The following MARCHF1 variants were observed in gnomAD, a reference collection of about 807,000 sequenced individuals.
MARCHF1 encodes membrane associated ring-CH-type finger 1.
A neutral mutation model predicts 54.2 loss-of-function variants in MARCHF1; 40 were observed. The observed-to-expected ratio is 0.74, with a 90% CI of 0.57 to 0.96. The LOEUF (loss-of-function observed/expected upper bound fraction) is 0.96, where lower values mean the gene tolerates loss of function less well. Among genes scored for constraint, MARCHF1 ranks in the 40% least tolerant of loss-of-function variants. MARCHF1 has a pLI of 0.00. For synonymous variants in MARCHF1, 236 were observed against 236.3 expected (o/e 1.00, Z 0.01); for missense variants, 586 against 656.5 (o/e 0.89, Z 1.17).
chr4:163,536,335 A>G (rs1738527914), intron 9 of MARCHF1, among the ~76,000 whole-genome samples: 1 of 152,042 alleles, frequency 6.6e-6, no homozygotes, highest in Admixed American at 6.6e-5. Flanking sequence ...GAAGTTTTCC[A>G]TTTCTGAGCC....
intron 1 of MARCHF1, among the ~76,000 whole-genome samples, chr4:164,285,926 A>G (rs908370430): frequency 6.6e-6 from 1 of 151,996 alleles, no homozygotes; most frequent in African/African-American, 2.4e-5. Flanking sequence ...AACTTCTCAT[A>G]AAAAAATTAT....
intron 9 of MARCHF1, among the ~76,000 whole-genome samples, chr4:163,533,580 C>A (rs1360402170): frequency 6.6e-6 from 1 of 151,318 alleles, no homozygotes; most frequent in Admixed American, 6.6e-5. Flanking sequence ...ACAGGAGAAA[C>A]CTTGTGTATG....
At chr4:163,552,282 G>A (rs1739131862) in intron 8 of MARCHF1, among the ~76,000 whole-genome samples, 1 of 152,188 alleles carries the variant, frequency 6.6e-6, no homozygotes, top group African/African-American at 2.4e-5. Flanking sequence ...AGTGAGGAAT[G>A]GGCCATGTGT....
intron 1 of MARCHF1, among the ~76,000 whole-genome samples, chr4:164,308,872 T>C (rs1226278405): frequency 1.3e-5 from 2 of 151,618 alleles, no homozygotes; most frequent in Non-Finnish European, 2.9e-5. Context: ...TAGTGCCTGG[T>C]TGATGAAATA....
chr4:164,070,363 C>G (rs957071918), intron 2 of MARCHF1, among the ~76,000 whole-genome samples: 2 of 152,078 alleles, frequency 1.3e-5, no homozygotes, highest in African/African-American at 4.8e-5. Flanking sequence ...AGCAACACCC[C>G]CACCCCAAGA....
chr4:164,129,624 C>T (rs1756259105), intron 1 of MARCHF1, among the ~76,000 whole-genome samples: 1 of 152,130 alleles, frequency 6.6e-6, no homozygotes, highest in African/African-American at 2.4e-5. Flanking sequence ...ATGATTTTCT[C>T]ATGTAAAACA....
chr4:163,897,981 A>G (rs1267643897), intron 3 of MARCHF1, among the ~76,000 whole-genome samples: 1 of 149,464 alleles, frequency 6.7e-6, no homozygotes, highest in Non-Finnish European at 1.5e-5. Context: ...GAATGGCACG[A>G]ACCCGGGAGG....
intron 2 of MARCHF1, among the ~76,000 whole-genome samples, chr4:164,084,183 ATTATGGT>A (rs1755152219): frequency 6.6e-6 from 1 of 151,962 alleles, no homozygotes; most frequent in Non-Finnish European, 1.5e-5. Context: ...AGAAGCTGTG[ATTATGGT>A]TTTTCTCCTA....
chr4:164,171,994 C>T (rs191044198), intron 1 of MARCHF1, among the ~76,000 whole-genome samples: 9 of 152,266 alleles, frequency 5.9e-5, no homozygotes, highest in Admixed American at 2.6e-4. Flanking sequence ...CAGGTCACTA[C>T]GTCATAGCCC....
chr4:163,626,083 T>C (rs982943051), intron 5 of MARCHF1, among the ~76,000 whole-genome samples: 6 of 152,324 alleles, frequency 3.9e-5, no homozygotes, highest in African/African-American at 9.6e-5. Context: ...TTCTTTGTAA[T>C]GGATGTTTAT....
intron 1 of MARCHF1, among the ~76,000 whole-genome samples, chr4:164,258,430 A>G (rs1435965988): frequency 6.9e-6 from 1 of 144,274 alleles, no homozygotes; most frequent in East Asian, 2.0e-4. Flanking sequence ...AGGACAAAAC[A>G]ATAGAAAAAA....
intron 8 of MARCHF1, among the ~76,000 whole-genome samples, chr4:163,549,891 T>C (rs551819769): frequency 6.6e-6 from 1 of 152,364 alleles, no homozygotes; most frequent in African/African-American, 2.4e-5. Flanking sequence ...ACTTGCATTA[T>C]ATTCTGTCCT....
intron 1 of MARCHF1, among the ~76,000 whole-genome samples, chr4:164,377,591 G>GCATACA (rs1554005679): frequency 6.7e-6 from 1 of 149,416 alleles, no homozygotes; most frequent in African/African-American, 2.5e-5. Flanking sequence ...TACTTTTTAT[G>GCATACA]CACACACACA....
In MARCHF1 at chr4:164,189,135, G is replaced by T; in HGVS notation, c.-322-77473C>A. 3 of 638,636 alleles carry T rather than the reference G, an allele frequency of 4.7e-6. No homozygotes were observed. In the South Asian group the frequency reaches 5.1e-5, roughly 11 times the overall value. The allele number at this position is 638,636 out of a possible 1,614,324, so 39.6% of individuals were successfully genotyped here. A position where few individuals can be genotyped will look rare whatever the true frequency, so the allele number is the denominator to read the frequency against. The stretch of plus-strand genomic sequence containing the variant: ...TGGCCACTAATGGAGATACTCATCT[G>T]CGTGCAGAAGACTATGACTAGCGTG... On this transcript the variant is annotated intron_variant, in intron 1 of 9. Coordinates refer to ENST00000514618, the MANE Select transcript of MARCHF1 (RefSeq NM_001394959.1).
intron 3 of MARCHF1, among the ~76,000 whole-genome samples, chr4:163,979,019 CTTT>C (rs60452636): frequency 1.9e-4 from 24 of 129,056 alleles, no homozygotes; most frequent in Admixed American, 3.2e-4. Flanking sequence ...CCCTTTAATT[CTTT>C]TTTTTTTTTT....
Position 163,588,127 on chromosome 4 carries a change from G to A in MARCHF1, c.1011-2198C>T, listed in dbSNP as rs184173521. 2.6e-5 allele frequency among the ~76,000 whole-genome samples: 4 copies of A among 152,240 alleles called. No homozygotes were observed. In the East Asian group the frequency reaches 7.7e-4, roughly 29 times the overall value. On this transcript the variant is annotated intron_variant, in intron 7 of 9. Transcript: ENST00000514618. ...AAGGAACACTGCCATCTAAAGTCCC[G>A]GGGTGGAAGTGCTGGGATGAGAACA...
At chr4:163,544,660 C>T (rs1451599718) in intron 9 of MARCHF1, among the ~76,000 whole-genome samples, 1 of 152,162 alleles carries the variant, frequency 6.6e-6, no homozygotes, top group African/African-American at 2.4e-5. Context: ...AAGTAACCAA[C>T]CTTTCTGTGT....
chr4:163,848,920 T>C (rs1749567121), intron 4 of MARCHF1, among the ~76,000 whole-genome samples: 3 of 152,052 alleles, frequency 2.0e-5, no homozygotes, highest in Admixed American at 2.0e-4. Flanking sequence ...ATTCTATACA[T>C]AAAACGGCGG....
chr4:163,903,837 A>G (rs1174380640), intron 3 of MARCHF1, among the ~76,000 whole-genome samples: 1 of 152,074 alleles, frequency 6.6e-6, no homozygotes, highest in Non-Finnish European at 1.5e-5. Context: ...GCTGGTCTCA[A>G]ACTCCTGAGC....
Sources: allele counts gnomAD v4.1 joint callset (sites outside exome capture counted in the v4.1 genomes callset), GRCh38; gene constraint gnomAD v4.1.1; transcripts MANE v1.5; gene names NCBI Gene and HGNC (gene_info 2026-07-23, HGNC 2026-07-21).